EIF2B4: variants seen among roughly 807,000 people sequenced by gnomAD.
The protein encoded by EIF2B4 is translation initiation factor eIF2B subunit delta.
In EIF2B4, 34 loss-of-function variants were observed where a neutral mutation model predicts 66.7. The observed-to-expected ratio is 0.51, with a 90% CI of 0.39 to 0.68. The LOEUF is 0.68. Ranked by LOEUF, EIF2B4 falls within the 30% of genes least tolerant of loss-of-function variation. The probability of loss-of-function intolerance (pLI) is 0.00; values close to 1 mark genes in which losing one functional copy is unlikely to be tolerated. For synonymous variants in EIF2B4, 278 were observed against 253.6 expected, an observed-to-expected ratio of 1.10 and a Z score of -0.92; for missense variants, 618 against 657.9, an observed-to-expected ratio of 0.94 and a Z score of 0.66.
At position 27,369,404 on chromosome 2, in the gene EIF2B4, CCTCA is replaced by C. The variant is rs1682165237; in HGVS notation, c.211+6_211+9del. On this transcript the variant is annotated splice_donor_region_variant and intron_variant, in intron 3 of 12. Transcript: ENST00000347454. ...ACACCCCAGCCCTTTAAAAGAGACCCCTCACTCACCTTGACATTGGGCTGCAGAT... is the reference window on the plus strand; with the variant it reads ...ACACCCCAGCCCTTTAAAAGAGACCCCTCACCTTGACATTGGGCTGCAGAT... The C allele has an allele frequency of 5.0e-6, 8 of 1,614,004 alleles. No individual in the cohort carries two copies. Among genetic ancestry groups the C allele is most frequent in the Non-Finnish European group, 6.8e-6 (8 of 1,180,018 alleles).
intron 9 of EIF2B4, 112 bp from the exon 10 acceptor site, chr2:27,367,313 A>G: frequency 6.3e-7 from 1 of 1,585,068 alleles, no homozygotes; most frequent in African/African-American, 1.3e-5. Flanking sequence ...GGGCTCAGAG[A>G]TGGCACAAGT....
At position 27,370,270 on chromosome 2, in the gene EIF2B4, G is replaced by A. The variant is rs1420450054; in HGVS notation, c.31+14C>T. Reference sequence around the variant, plus strand: ...GCTCCGCGTACCAGTAGGCAGGCCCGGCTCTTCACTCACCCTCGCGAACAG... The same window carrying A: ...GCTCCGCGTACCAGTAGGCAGGCCCAGCTCTTCACTCACCCTCGCGAACAG... On this transcript the variant is annotated intron_variant, in intron 1 of 12. Transcript: ENST00000347454. 1 of 1,549,214 alleles carries A rather than the reference G, an allele frequency of 6.5e-7. No homozygotes were observed. The highest frequency in any genetic ancestry group is 8.7e-7 in the Non-Finnish European group (1 of 1,149,944).
At position 27,369,010 on chromosome 2, in the gene EIF2B4, G is replaced by A. The variant is rs755723756; in HGVS notation, c.414C>T (p.Pro138=). The A allele has an allele frequency of 1.2e-6, 2 of 1,614,142 alleles. No individual in the cohort carries two copies. Among genetic ancestry groups the A allele is most frequent in the South Asian group, 1.1e-5 (1 of 91,086 alleles). ...KASPSTAGET[P]SGVKRLPEYP... is the part of the protein sequence containing the mutation. ...CTTAAAATGAAGGGAAGATACCTGA[G>A]GGGGTTTCTCCAGCTGTGCTGGGGC... is the stretch of plus-strand genomic sequence containing the variant. Residue 138 remains proline, a synonymous_variant, in exon 4 of 13, where the codon CCC becomes CCT. Transcript: ENST00000347454.
intron 2 of EIF2B4, 49 bp from the exon 3 acceptor site, chr2:27,369,598 G>A (rs1179568309): frequency 5.6e-6 from 9 of 1,613,108 alleles, no homozygotes; most frequent in African/African-American, 1.3e-5. Flanking sequence ...TTCCAAAGGG[G>A]AACAAATACT....
rs531862701 is a variant in EIF2B4 at position 27,367,591 on chromosome 2, G to A, written c.783-32C>T. 2.6e-5 allele frequency: 42 copies of A among 1,609,612 alleles called. No homozygotes were observed. The South Asian group carries it at 2.7e-4, about 11-fold the overall frequency. On this transcript the variant is annotated intron_variant, in intron 8 of 12. Coordinates refer to ENST00000347454, the MANE Select transcript of EIF2B4 (RefSeq NM_001034116.2). The stretch of plus-strand genomic sequence containing the variant: ...TACAACAGCAATACCTTATATCTGC[G>A]CAACTCTTCACAACTTACAAAGCCT...
chr2:27,367,963 A>T, intron 7 of EIF2B4, 62 bp downstream of exon 7: 1 of 1,508,734 alleles, frequency 6.6e-7, no homozygotes, highest in Non-Finnish European at 9.1e-7. Flanking sequence ...TGGGTGACAG[A>T]AGCTGGGGTA....
At chr2:27,365,047 T>C (rs781646179) in intron 11 of EIF2B4, 149 bp from the exon 12 acceptor site, 13 of 778,086 alleles carry the variant, frequency 1.7e-5, no homozygotes, top group Non-Finnish European at 2.5e-5. Context: ...AGACAACAAG[T>C]AATAAATCTT....
chr2:27,368,926 G>C, intron 4 of EIF2B4, 80 bp downstream of exon 4: 1 of 1,554,980 alleles, frequency 6.4e-7, no homozygotes, highest in Non-Finnish European at 8.9e-7. Flanking sequence ...AATGAGAGGG[G>C]AGAGCTGTTT....
intron 1 of EIF2B4, 101 bp from the exon 2 acceptor site, chr2:27,370,020 G>A (rs1369580610): frequency 5.9e-6 from 9 of 1,520,596 alleles, no homozygotes; most frequent in African/African-American, 2.8e-5. Flanking sequence ...GCATGACCAC[G>A]GATCCGCCGG....
chr2:27,368,931 C>G, intron 4 of EIF2B4, 75 bp downstream of exon 4: 1 of 1,567,472 alleles, frequency 6.4e-7, no homozygotes, highest in South Asian at 1.1e-5. Flanking sequence ...GAGGGGAGAG[C>G]TGTTTTACTA....
chr2:27,367,902 G>T, intron 7 of EIF2B4, 80 bp from the exon 8 acceptor site: 1 of 1,525,116 alleles, frequency 6.6e-7, no homozygotes, highest in Non-Finnish European at 9.1e-7. Flanking sequence ...GCTTCACTGA[G>T]GAAAATGTTC....
At position 27,367,116 on chromosome 2, in the gene EIF2B4, T is replaced by G; in HGVS notation, c.971A>C (p.Tyr324Ser). The G allele has an allele frequency of 6.2e-7, 1 of 1,614,212 alleles. No homozygotes were observed. The highest frequency in any genetic ancestry group is 1.1e-5 in the South Asian group (1 of 91,084). ...CACATCTCCATTACTGATCTTCTGG[T>G]AAGCAAAGCGTGAAATTGCCTGAGC... is the stretch of plus-strand genomic sequence containing the variant. The part of the protein sequence containing the change: ...LAAQAISRFA[Y>S]QKISNGDVIL... Residue 324 changes from tyrosine to serine, a missense_variant, in exon 10 of 13, where the codon TAC (tyrosine) becomes TCC (serine). Physicochemically the swap from Tyr to Ser is moderately radical, Grantham distance 144 (BLOSUM62 -2). Transcript: ENST00000347454.
At chr2:27,366,964 T>A in intron 10 of EIF2B4, 28 bp from the exon 11 acceptor site, 1 of 1,614,112 alleles carries the variant, frequency 6.2e-7, no homozygotes, top group Non-Finnish European at 8.5e-7. Context: ...GAGGATTCAG[T>A]TATAAATGTC....
rs1682030536 is a variant in EIF2B4, at chr2:27,368,459, G to C, written c.503C>G (p.Pro168Arg). 2 of 1,613,698 alleles carry C rather than the reference G, an allele frequency of 1.2e-6. No homozygotes were observed. Among genetic ancestry groups the C allele is most frequent in the Non-Finnish European group, 1.7e-6 (2 of 1,179,770 alleles). ...TTTGGATCCATAATCCTTTCGTGTAGGAACCTTGACAAAACAAGGGAACAG... is the reference window on the plus strand; with the variant it reads ...TTTGGATCCATAATCCTTTCGTGTACGAACCTTGACAAAACAAGGGAACAG... ...LVKKPERQQV[P>R]TRKDYGSKVS... The change falls in exon 6 of 13, where the codon CCT becomes CGT. Residue 168 changes from proline (P) to arginine (R), a missense_variant. Pro to Arg is a moderately radical substitution (Grantham distance 103). This residue lies in a region of EIF2B4 where 506 missense variants were observed against 511.9 expected (regional missense o/e 0.99). Transcript: ENST00000347454.
intron 9 of EIF2B4, 55 bp downstream of exon 9, chr2:27,367,402 T>A: frequency 6.2e-7 from 1 of 1,606,262 alleles, no homozygotes; most frequent in East Asian, 2.2e-5. Context: ...GTTTTTAACA[T>A]GTTTCTTAAT....
Position 27,368,679 on chromosome 2 carries a change from A to G in EIF2B4, c.473T>C (p.Leu158Pro). The stretch of plus-strand genomic sequence containing the variant: ...CTGTTGACGCTCTGGTTTTTTAACA[A>G]GCCTTCTCAGAAGTAGGTCATCAAC... ...PQVDDLLLRR[L>P]VKKPERQQVP... Residue 158 changes from leucine to proline, a missense_variant, in exon 5 of 13, where the codon CTT (leucine) becomes CCT (proline). Transcript: ENST00000347454. The G allele has an allele frequency of 1.2e-6, 2 of 1,614,184 alleles. No homozygotes were observed. Among genetic ancestry groups the G allele is most frequent in the Non-Finnish European group, 8.5e-7 (1 of 1,180,036 alleles).
chr2:27,370,178 G>C (rs1409536427), intron 1 of EIF2B4, 106 bp downstream of exon 1: 1 of 1,544,338 alleles, frequency 6.5e-7, no homozygotes, highest in Non-Finnish European at 8.7e-7. Context: ...GCCCAGCGTG[G>C]CGCTGGAACG....
In EIF2B4 at chr2:27,369,074, G is replaced by C; in HGVS notation, c.350C>G (p.Ala117Gly). 1 of 1,614,036 alleles carries C rather than the reference G, an allele frequency of 6.2e-7. No individual in the cohort carries two copies. The highest frequency in any genetic ancestry group is 8.5e-7 in the Non-Finnish European group (1 of 1,179,994). ...KQEAERALKQ[A>G]RKGEQGGPPP... ...TGGTCCTCCTTGTTCCCCTTTTCTTGCCTGTTTCAGGGCCCGCTCGGCCTC... is the reference window on the plus strand; with the variant it reads ...TGGTCCTCCTTGTTCCCCTTTTCTTCCCTGTTTCAGGGCCCGCTCGGCCTC... The change falls in exon 4 of 13, where the codon GCA (alanine) becomes GGA (glycine). Residue 117 changes from alanine (A) to glycine (G), a missense_variant. Coordinates refer to ENST00000347454, the MANE Select transcript of EIF2B4 (RefSeq NM_001034116.2).
At chr2:27,369,842 T>A in intron 2 of EIF2B4, 34 bp downstream of exon 2, 2 of 1,557,738 alleles carry the variant, frequency 1.3e-6, no homozygotes, top group Non-Finnish European at 1.7e-6. Context: ...TGCGTAGCGC[T>A]TGGCAGGCGG....
Sources: allele counts gnomAD v4.1 joint callset, GRCh38; gene constraint gnomAD v4.1.1; regional missense constraint gnomAD v4.1.1; transcripts MANE v1.5; gene names NCBI Gene and HGNC (gene_info 2026-07-23, HGNC 2026-07-21).